FHDC1: variants seen among roughly 807,000 people sequenced by gnomAD.
FHDC1 encodes the protein FH2 domain containing 1.
In FHDC1, 25 loss-of-function variants were observed where a neutral mutation model predicts 52.6. The ratio of observed to expected loss-of-function variants is 0.48; its 90% CI spans 0.35 to 0.66. The LOEUF (loss-of-function observed/expected upper bound fraction) is 0.66, where lower values mean the gene tolerates loss of function less well. Among genes scored for constraint, FHDC1 ranks in the 30% least tolerant of loss-of-function variants. The probability of loss-of-function intolerance (pLI) is 0.01; values close to 1 mark genes in which losing one functional copy is unlikely to be tolerated. For synonymous variants in FHDC1, 616 were observed against 581.5 expected, an observed-to-expected ratio of 1.06 and a Z score of -0.85; for missense variants, 1,459 against 1,452.8, an observed-to-expected ratio of 1.00 and a Z score of -0.07.
the FHDC1 span, chr4:152,911,934 G>A: frequency 6.6e-6 from 1 of 152,336 alleles, no homozygotes; most frequent in Non-Finnish European, 1.5e-5. Flanking sequence ...GACCTTCATA[G>A]TTTAAGAAGT....
the FHDC1 span, among the ~76,000 whole-genome samples, chr4:152,924,470 G>A: frequency 2.6e-5 from 4 of 152,278 alleles, no homozygotes; most frequent in East Asian, 7.7e-4. Flanking sequence ...CAGGGATCTA[G>A]AACTAGAAAT....
chr4:152,963,788 T>G lies in FHDC1; in HGVS notation c.1029+658T>G, dbSNP rs957908840. Among the ~76,000 whole-genome samples, 42 of 141,022 alleles carry G rather than the reference T, an allele frequency of 3.0e-4. No individual in the cohort carries two copies. The East Asian group carries it at 4.6e-3, about 15-fold the overall frequency. The allele number at this position is 141,022 out of a possible 152,430, so 92.5% of individuals were successfully genotyped here. A position where few individuals can be genotyped will look rare whatever the true frequency, so the allele number is the denominator to read the frequency against. The stretch of plus-strand genomic sequence containing the variant: ...TGCTTTGTTTTTTTTTTTTTTTTTT[T>G]TTTTTTTTTTTTTTTGACTGGATCT... On this transcript the variant is annotated intron_variant, in intron 8 of 11. Transcript: ENST00000511601.
Position 152,968,285 on chromosome 4 carries a change from C to G in FHDC1, c.1218+188C>G, listed in dbSNP as rs142499460. ...CAGAGGATGTTAAATGTGATCTAAG[C>G]CTGATATATTTTTTTTTTTTGTCTC... On this transcript the variant is annotated intron_variant, in intron 10 of 11. Transcript: ENST00000511601. Among the ~76,000 whole-genome samples the G allele has an allele frequency of 1.6e-3, 246 of 151,582 alleles. 3 individuals carry two copies. The highest frequency in any genetic ancestry group is 5.6e-3 in the African/African-American group (230 of 41,414).
the FHDC1 span, chr4:152,928,253 G>A: frequency 3.2e-5 from 22 of 688,040 alleles, no homozygotes; most frequent in Admixed American, 1.7e-4. Context: ...ATGGTAGATC[G>A]GACCATTCAC....
intron 8 of FHDC1, 151 bp from the exon 9 acceptor site, chr4:152,964,754 A>G: frequency 1.7e-6 from 1 of 591,474 alleles, no homozygotes; most frequent in South Asian, 2.4e-5. Context: ...AATCTTACTA[A>G]GAGTATCAGA....
rs1266019127 is a variant in FHDC1, at chr4:152,972,490, A to G, written c.1332A>G (p.Glu444=). Residue 444 remains glutamate, a synonymous_variant, in exon 11 of 12, where the codon GAA becomes GAG. Transcript: ENST00000511601. ...CEDKKTMKLD[E]CFQIFRDFCT... ...ACAAAAAAACCATGAAACTGGATGA[A>G]TGCTTTCAGATATTTAGAGATTTCT... 2.5e-6 allele frequency: 4 copies of G among 1,613,936 alleles called. No homozygotes were observed. Among genetic ancestry groups the G allele is most frequent in the East Asian group, 4.5e-5 (2 of 44,890 alleles).
rs750766831 is a variant in FHDC1, at chr4:152,954,221, C to G, written c.565C>G (p.Pro189Ala). Residue 189 changes from proline (P) to alanine (A), a missense_variant, in exon 4 of 12, where the codon CCT becomes GCT. Physicochemically the swap from Pro to Ala is conservative, Grantham distance 27. This residue lies in a region of FHDC1 where 513 missense variants were observed against 581.5 expected (regional missense o/e 0.88). Transcript: ENST00000511601. ...GIFLKQFKKS[P>A]RSIVEDIHQG... ...GTGATTCATTGTCTTTTCAAGGTCT[C>G]CTCGGTCCATTGTAGAAGATATTCA... 4 of 1,613,338 alleles carry G rather than the reference C, an allele frequency of 2.5e-6. No individual in the cohort carries two copies. Among genetic ancestry groups the G allele is most frequent in the South Asian group, 1.1e-5 (1 of 91,044 alleles).
In FHDC1 at chr4:152,978,568, T is replaced by G. The variant is rs1740979077; in HGVS notation, c.*1845T>G. The G allele has an allele frequency of 6.6e-6, 1 of 152,158 alleles. No homozygotes were observed. The highest frequency in any genetic ancestry group is 2.1e-4 in the South Asian group (1 of 4,826). The allele number at this position is 152,158 out of a possible 1,614,324, so 9.4% of individuals were successfully genotyped here. On this transcript the variant is annotated 3_prime_UTR_variant, in exon 12 of 12. Coordinates refer to ENST00000511601, the MANE Select transcript of FHDC1 (RefSeq NM_001371116.1). ...AAACAGTTGAAAACATGGGACTTTT[T>G]CTACCCAATGCCCATTTCACGACTC...
chr4:152,943,025 CA>C lies in FHDC1; in HGVS notation c.-31del. 1 of 1,566,642 alleles carries C rather than the reference CA, an allele frequency of 6.4e-7. No homozygotes were observed. Among genetic ancestry groups the C allele is most frequent in the Non-Finnish European group, 8.7e-7 (1 of 1,152,986 alleles). The stretch of plus-strand genomic sequence containing the variant: ...ATGTTTGTGTCTTCTTCTCCAAGGC[CA>C]AGAAATTATCTCCATAGGAGGCAAC... On this transcript the variant is annotated 5_prime_UTR_variant, in exon 2 of 12. Transcript: ENST00000511601.
chr4:152,958,500 AT>A (rs5863027), intron 4 of FHDC1, among the ~76,000 whole-genome samples: 43 of 151,672 alleles, frequency 2.8e-4, no homozygotes, highest in East Asian at 3.9e-4. Context: ...AAATCCATAC[AT>A]TTTTTTTAGC....
At chr4:152,924,115 A>G in the FHDC1 span, among the ~76,000 whole-genome samples, 20 of 152,152 alleles carry the variant, frequency 1.3e-4, no homozygotes, top group African/African-American at 4.6e-4. Flanking sequence ...TCATCTGACA[A>G]AGGGCTAATA....
rs746828141 is a variant in FHDC1, at chr4:152,974,862, TCAGCCCCTC to T, written c.1582_1590del (p.Ser528_Ser530del). On this transcript the variant is annotated inframe_deletion, in exon 12 of 12. Coordinates refer to ENST00000511601, the MANE Select transcript of FHDC1 (RefSeq NM_001371116.1). ...CTCCCTTTCCTGCACCCCAGGCCCA[TCAGCCCCTC>T]CAGCCCCTCCTACCGGCCCCCGAAC... The T allele has an allele frequency of 6.2e-7, 1 of 1,605,584 alleles. No homozygotes were observed. The highest frequency in any genetic ancestry group is 8.5e-7 in the Non-Finnish European group (1 of 1,176,360).
rs139114826 is a variant in FHDC1 at position 152,945,194 on chromosome 4, CAGAG to C, written c.498+1650_498+1653del. Among the ~76,000 whole-genome samples, 781 of 151,458 alleles carry C rather than the reference CAGAG, an allele frequency of 5.2e-3. 6 individuals carry two copies. Among genetic ancestry groups the C allele is most frequent in the African/African-American group, 0.018 (747 of 41,340 alleles). ...CATTAAAGAGAGGTTAAGAACCACT[CAGAG>C]AGAGAGAGAGGAAAGTGGCAGGGGT... On this transcript the variant is annotated intron_variant, in intron 2 of 11. Coordinates refer to ENST00000511601, the MANE Select transcript of FHDC1 (RefSeq NM_001371116.1).
chr4:152,968,571 C>T (rs1339904228), intron 10 of FHDC1, among the ~76,000 whole-genome samples: 3 of 152,164 alleles, frequency 2.0e-5, no homozygotes, highest in Non-Finnish European at 4.4e-5. Flanking sequence ...TCAGGTGATC[C>T]GCACTCACTG....
In FHDC1 at chr4:152,973,747, A is replaced by G. The variant is rs116716050; in HGVS notation, c.1384-928A>G. Among the ~76,000 whole-genome samples the G allele has an allele frequency of 7.5e-4, 115 of 152,386 alleles. 1 individual carries two copies. Among genetic ancestry groups the G allele is most frequent in the Non-Finnish European group, 1.4e-3 (92 of 68,036 alleles). On this transcript the variant is annotated intron_variant, in intron 11 of 11. Coordinates refer to ENST00000511601, the MANE Select transcript of FHDC1 (RefSeq NM_001371116.1). ...CCATCATTGGAGGAAATTGATTGTC[A>G]AGTAAAACTGCTAACAATAACACAT...
the FHDC1 span, chr4:152,927,600 G>A: frequency 2.7e-5 from 43 of 1,606,620 alleles, no homozygotes; most frequent in Middle Eastern, 5.6e-4. Flanking sequence ...TATGACCCTC[G>A]ATCTCTATAT....
the FHDC1 span, among the ~76,000 whole-genome samples, chr4:152,930,997 A>ACACACACTCTCT: frequency 2.3e-4 from 26 of 113,252 alleles, no homozygotes; most frequent in African/African-American, 8.1e-4. Flanking sequence ...ACACACACAC[A>ACACACACTCTCT]CTCTCTCTCT....
chr4:152,949,014 A>T (rs1739820657), intron 2 of FHDC1, among the ~76,000 whole-genome samples: 1 of 151,530 alleles, frequency 6.6e-6, no homozygotes, highest in African/African-American at 2.4e-5. Flanking sequence ...GCTTGAGCCC[A>T]GGAGCTGGAG....
chr4:152,951,528 A>G (rs930668728), intron 2 of FHDC1, among the ~76,000 whole-genome samples: 3 of 152,144 alleles, frequency 2.0e-5, no homozygotes, highest in Non-Finnish European at 4.4e-5. Context: ...GTTAAAGATT[A>G]GTCTTCAAAA....
Sources: allele counts gnomAD v4.1 joint callset (sites outside exome capture counted in the v4.1 genomes callset), GRCh38; gene constraint gnomAD v4.1.1; regional missense constraint gnomAD v4.1.1; transcripts MANE v1.5; gene names NCBI Gene and HGNC (gene_info 2026-07-23, HGNC 2026-07-21).